DAB1: variants seen among roughly 807,000 people sequenced by gnomAD.
The protein encoded by DAB1 is DAB adaptor protein 1, also known as disabled homolog 1.
Under a neutral mutation model 64.6 loss-of-function variants are expected in DAB1, and 15 were observed. The ratio of observed to expected loss-of-function variants is 0.23; its 90% CI spans 0.16 to 0.36. DAB1 has a LOEUF of 0.36. Ranked by LOEUF, DAB1 falls within the 10% of genes least tolerant of loss-of-function variation. DAB1 has a pLI of 1.00. For synonymous variants in DAB1, 235 were observed against 251.9 expected (o/e 0.93, Z 0.64); for missense variants, 596 against 706.7 (o/e 0.84, Z 1.78).
In DAB1 at chr1:57,697,235, A is replaced by G. The variant is rs138094029; in HGVS notation, n.552-47570T>C. Among the ~76,000 whole-genome samples the G allele has an allele frequency of 1.5e-3, 224 of 151,114 alleles. 1 individual carries two copies. Among genetic ancestry groups the G allele is most frequent in the Middle Eastern group, 6.8e-3 (2 of 292 alleles). On this transcript the variant is annotated intron_variant and non_coding_transcript_variant, in intron 6 of 20. Coordinates refer to the DAB1 transcript ENST00000485760. ...CAGATGAATGAATGAATGAATGAAT[A>G]AATGAGTTGATCAATCAATCAAAAT...
intron 6 of DAB1, among the ~76,000 whole-genome samples, chr1:57,701,766 C>T (rs1646911288): frequency 1.3e-5 from 2 of 152,028 alleles, no homozygotes; most frequent in South Asian, 4.2e-4. Context: ...CTTTCCTCTG[C>T]TTGATCCATT....
At chr1:57,033,684 T>C in intron 9 of DAB1, 1 of 1,036,732 alleles carries the variant, frequency 9.6e-7, no homozygotes, top group Non-Finnish European at 1.5e-6. Flanking sequence ...GTGGTCTCAG[T>C]AGGCGGGAGC....
chr1:58,526,805 A>G (rs1430855822), intron 2 of DAB1, among the ~76,000 whole-genome samples: 1 of 152,124 alleles, frequency 6.6e-6, no homozygotes, highest in Non-Finnish European at 1.5e-5. Context: ...AGCAAGGGGT[A>G]AAATATTGGA....
intron 2 of DAB1, among the ~76,000 whole-genome samples, chr1:57,173,988 G>T (rs1662042397): frequency 6.6e-6 from 1 of 152,140 alleles, no homozygotes; most frequent in East Asian, 1.9e-4. Context: ...GAAGTCCCTG[G>T]ATTGGAATTA....
intron 5 of DAB1, among the ~76,000 whole-genome samples, chr1:57,950,927 G>A (rs1256965302): frequency 6.6e-6 from 1 of 152,066 alleles, no homozygotes; most frequent in African/African-American, 2.4e-5. Context: ...TCAATATCTA[G>A]TTTGGAAACA....
At chr1:57,700,387 T>C (rs1646893354) in intron 6 of DAB1, among the ~76,000 whole-genome samples, 1 of 152,354 alleles carries the variant, frequency 6.6e-6, no homozygotes, top group Non-Finnish European at 1.5e-5. Flanking sequence ...CACTTGGAGA[T>C]AAATACCCAG....
At chr1:57,851,181 G>T (rs1415395663) in intron 1 of DAB1, among the ~76,000 whole-genome samples, 1 of 152,190 alleles carries the variant, frequency 6.6e-6, no homozygotes, top group Non-Finnish European at 1.5e-5. Context: ...TCTGACAATA[G>T]TTACAAAGAC....
intron 7 of DAB1, among the ~76,000 whole-genome samples, chr1:57,461,160 C>A (rs940573354): frequency 3.9e-5 from 6 of 152,160 alleles, no homozygotes; most frequent in East Asian, 1.9e-4. Context: ...TCATGGCTGA[C>A]TCTCCATTTA....
At chr1:57,781,114 C>CTT (rs1650058048) in intron 6 of DAB1, among the ~76,000 whole-genome samples, 1 of 62,766 alleles carries the variant, frequency 1.6e-5, no homozygotes, top group African/African-American at 6.0e-5. Context: ...CTCTCTCTCT[C>CTT]TCTCTCTCTC....
chr1:57,934,252 G>T (rs1223875318), intron 5 of DAB1, among the ~76,000 whole-genome samples: 1 of 152,076 alleles, frequency 6.6e-6, no homozygotes, highest in Non-Finnish European at 1.5e-5. Context: ...GCCATTTGGT[G>T]GGGAGAGTGT....
intron 5 of DAB1, among the ~76,000 whole-genome samples, chr1:57,937,673 A>G (rs1372420318): frequency 2.0e-5 from 3 of 152,324 alleles, no homozygotes; most frequent in East Asian, 1.9e-4. Context: ...AGCATCCCCA[A>G]CTGAAAAAAA....
At chr1:57,747,373 A>C (rs1163681268) in intron 6 of DAB1, among the ~76,000 whole-genome samples, 1 of 152,204 alleles carries the variant, frequency 6.6e-6, no homozygotes, top group Non-Finnish European at 1.5e-5. Flanking sequence ...ACTTAGGACA[A>C]AGCTTTTGTC....
intron 6 of DAB1, among the ~76,000 whole-genome samples, chr1:57,741,242 T>G (rs1647976278): frequency 6.6e-6 from 1 of 152,216 alleles, no homozygotes; most frequent in Non-Finnish European, 1.5e-5. Context: ...TCCTCTCTAC[T>G]ATTCCATCAT....
rs185881147 is a variant in DAB1 at position 57,456,129 on chromosome 1, C to T, written n.626-164963G>A. Reference sequence around the variant, plus strand: ...CCACCTATTGTCACTAGGTCTGTTTCCTAGGATCACACAGAGTGAGCTTCT... The same window carrying T: ...CCACCTATTGTCACTAGGTCTGTTTTCTAGGATCACACAGAGTGAGCTTCT... On this transcript the variant is annotated intron_variant and non_coding_transcript_variant, in intron 7 of 20. Coordinates refer to the DAB1 transcript ENST00000485760. Among the ~76,000 whole-genome samples the T allele has an allele frequency of 5.2e-3, 791 of 152,254 alleles. 5 individuals carry two copies. The highest frequency in any genetic ancestry group is 0.013 in the Admixed American group (194 of 15,282).
At chr1:57,633,605 T>C (rs902617858) in intron 7 of DAB1, among the ~76,000 whole-genome samples, 1 of 152,188 alleles carries the variant, frequency 6.6e-6, no homozygotes, top group Non-Finnish European at 1.5e-5. Flanking sequence ...GGCATTGTAA[T>C]GTCTTTTAAT....
intron 5 of DAB1, among the ~76,000 whole-genome samples, chr1:58,100,342 C>G (rs551733574): frequency 6.6e-6 from 1 of 152,304 alleles, no homozygotes; most frequent in African/African-American, 2.4e-5. Flanking sequence ...ATTATATAAT[C>G]TAACATCTTT....
chr1:58,296,426 A>G (rs566516421), intron 4 of DAB1, among the ~76,000 whole-genome samples: 1 of 152,070 alleles, frequency 6.6e-6, no homozygotes, highest in East Asian at 1.9e-4. Context: ...ACATCAAACA[A>G]CAGGAGGTAG....
At chr1:57,331,162 T>C (rs1390513819) in intron 1 of DAB1, among the ~76,000 whole-genome samples, 2 of 152,230 alleles carry the variant, frequency 1.3e-5, no homozygotes, top group African/African-American at 4.8e-5. Flanking sequence ...TGACTCTCTG[T>C]ATCCACAAAT....
chr1:57,325,600 A>G (rs1006666168), intron 1 of DAB1, among the ~76,000 whole-genome samples: 11 of 152,064 alleles, frequency 7.2e-5, no homozygotes, highest in Admixed American at 4.6e-4. Context: ...ATATTTCACT[A>G]TTTACTAGAC....
Sources: allele counts gnomAD v4.1 joint callset (sites outside exome capture counted in the v4.1 genomes callset), GRCh38; gene constraint gnomAD v4.1.1; transcripts MANE v1.5; gene names NCBI Gene and HGNC (gene_info 2026-07-23, HGNC 2026-07-21).